SP100: variants seen among roughly 807,000 people sequenced by gnomAD.
SP100 encodes the protein SP100 nuclear body protein.
A neutral mutation model predicts 130.0 loss-of-function variants in SP100; 84 were observed. The ratio of observed to expected loss-of-function variants is 0.65; its 90% CI spans 0.54 to 0.77. The LOEUF is 0.77. Among genes scored for constraint, SP100 ranks in the 30% least tolerant of loss-of-function variants. The pLI is 0.00. For synonymous variants in SP100, 331 were observed against 351.7 expected (o/e 0.94, Z 0.66); for missense variants, 978 against 1,052.2 (o/e 0.93, Z 0.97).
chr2:230,424,288 T>G (rs2062855174), intron 2 of SP100, among the ~76,000 whole-genome samples: 1 of 152,122 alleles, frequency 6.6e-6, no homozygotes, highest in Admixed American at 6.6e-5. Context: ...GCAAGTATGC[T>G]CAAAAGAATG....
chr2:230,503,216 A>G (rs2067135001), intron 20 of SP100, 106 bp downstream of exon 20: 3 of 736,552 alleles, frequency 4.1e-6, no homozygotes. Flanking sequence ...TGGAGCTAGT[A>G]CTGGAGCCTT....
At chr2:230,501,591 GC>G (rs1267850939) in intron 19 of SP100, among the ~76,000 whole-genome samples, 1 of 152,162 alleles carries the variant, frequency 6.6e-6, no homozygotes, top group Non-Finnish European at 1.5e-5. Flanking sequence ...AAGGAAACAT[GC>G]CTTTCCAGCC....
chr2:230,460,592 CTTTTTTTTTTTTTTTTTTTTTTTT>C (rs1193506734), intron 8 of SP100, among the ~76,000 whole-genome samples: 2 of 17,188 alleles, frequency 1.2e-4, no homozygotes, highest in Admixed American at 7.3e-4. Flanking sequence ...TAATCTGTTT[CTTTTTTTTTTTTTTTTTTTTTTTT>C]TTTTTTTTTT....
intron 17 of SP100, among the ~76,000 whole-genome samples, chr2:230,480,273 A>G (rs1187632456): frequency 6.6e-6 from 1 of 152,244 alleles, no homozygotes; most frequent in Non-Finnish European, 1.5e-5. Context: ...AGTAATTTGC[A>G]TGAATAAATT....
At chr2:230,534,485 A>C (rs1029070943) in intron 24 of SP100, among the ~76,000 whole-genome samples, 1 of 152,266 alleles carries the variant, frequency 6.6e-6, no homozygotes, top group African/African-American at 2.4e-5. Flanking sequence ...CAAATGTCTT[A>C]AAACTTTGAT....
At chr2:230,451,933 T>C (rs1242104655) in intron 8 of SP100, among the ~76,000 whole-genome samples, 1 of 152,244 alleles carries the variant, frequency 6.6e-6, no homozygotes, top group African/African-American at 2.4e-5. Flanking sequence ...GGCACCTTTG[T>C]TGAAAATCAA....
At chr2:230,493,223 T>C (rs1202171518) in intron 17 of SP100, among the ~76,000 whole-genome samples, 1 of 152,214 alleles carries the variant, frequency 6.6e-6, no homozygotes, top group Non-Finnish European at 1.5e-5. Context: ...TTTTATTTTA[T>C]GTTATTTTAT....
At position 230,544,414 on chromosome 2, in the gene SP100, T is replaced by G. The variant is rs1039855223; in HGVS notation, c.*1468T>G. On this transcript the variant is annotated 3_prime_UTR_variant, in exon 29 of 29. Transcript: ENST00000340126. ...ATCTGACAAAGGTCTAATAGCCAGC[T>G]TCTATAGGGAACTTAAACAAATTTA... Among the ~76,000 whole-genome samples the G allele has an allele frequency of 6.6e-6, 1 of 152,110 alleles. No individual in the cohort carries two copies. The highest frequency in any genetic ancestry group is 6.5e-5 in the Admixed American group (1 of 15,278).
intron 24 of SP100, among the ~76,000 whole-genome samples, chr2:230,526,802 A>G (rs1170704731): frequency 6.6e-6 from 1 of 152,222 alleles, no homozygotes; most frequent in Admixed American, 6.5e-5. Context: ...AGCCGATTCA[A>G]TCAAGTGGAA....
At chr2:230,448,330 C>T (rs1297912167) in intron 5 of SP100, among the ~76,000 whole-genome samples, 3 of 152,196 alleles carry the variant, frequency 2.0e-5, no homozygotes, top group Non-Finnish European at 2.9e-5. Flanking sequence ...TAACAGCTCA[C>T]TTTGATTGAA....
At chr2:230,445,460 A>G (rs2063666942) in intron 4 of SP100, among the ~76,000 whole-genome samples, 1 of 152,228 alleles carries the variant, frequency 6.6e-6, no homozygotes, top group Non-Finnish European at 1.5e-5. Context: ...AGATATTGAA[A>G]GGCCTGGAAT....
At chr2:230,487,735 G>A (rs993146607) in intron 17 of SP100, among the ~76,000 whole-genome samples, 3 of 152,204 alleles carry the variant, frequency 2.0e-5, no homozygotes, top group South Asian at 2.1e-4. Context: ...GTCAATGGTA[G>A]TTTGATGGGA....
intron 19 of SP100, among the ~76,000 whole-genome samples, chr2:230,501,146 G>A (rs1192305707): frequency 6.6e-6 from 1 of 152,140 alleles, no homozygotes; most frequent in Non-Finnish European, 1.5e-5. Flanking sequence ...GGAGGCAGAG[G>A]AAGGAAAATC....
intron 4 of SP100, among the ~76,000 whole-genome samples, chr2:230,445,247 C>A (rs747353188): frequency 2.8e-4 from 43 of 152,154 alleles, no homozygotes; most frequent in Non-Finnish European, 5.6e-4. Context: ...ACTTTTTATT[C>A]CCACACAGTT....
intron 16 of SP100, 75 bp downstream of exon 16, chr2:230,473,515 T>A: frequency 1.2e-6 from 1 of 844,634 alleles, no homozygotes; most frequent in Non-Finnish European, 2.0e-6. Context: ...ATGTGGGAAG[T>A]GATCAGAGTT....
chr2:230,467,291 C>A, intron 13 of SP100, 76 bp downstream of exon 13: 1 of 1,022,572 alleles, frequency 9.8e-7, no homozygotes, highest in Non-Finnish European at 1.5e-6. Flanking sequence ...TCTGAGCACA[C>A]ACAACAGCTA....
At chr2:230,460,484 T>C (rs952297013) in intron 8 of SP100, among the ~76,000 whole-genome samples, 8 of 151,924 alleles carry the variant, frequency 5.3e-5, no homozygotes, top group East Asian at 2.0e-4. Flanking sequence ...ACAAGCAAAA[T>C]TAACCTTAGT....
intron 17 of SP100, among the ~76,000 whole-genome samples, chr2:230,477,617 A>G (rs527887001): frequency 2.0e-5 from 3 of 152,270 alleles, no homozygotes; most frequent in East Asian, 1.9e-4. Context: ...TTACCTGTCT[A>G]TATTCTATGT....
chr2:230,526,918 G>C (rs1691457510), intron 24 of SP100, among the ~76,000 whole-genome samples: 1 of 152,178 alleles, frequency 6.6e-6, no homozygotes, highest in Non-Finnish European at 1.5e-5. Context: ...AGAAATATGG[G>C]ACTATGTGAA....
Sources: allele counts gnomAD v4.1 joint callset (sites outside exome capture counted in the v4.1 genomes callset), GRCh38; gene constraint gnomAD v4.1.1; transcripts MANE v1.5; gene names NCBI Gene and HGNC (gene_info 2026-07-23, HGNC 2026-07-21).